Variants in DNAJC3 observed in about 807,000 individuals in gnomAD.
DNAJC3 encodes the protein dnaJ homolog subfamily C member 3.
In DNAJC3, 38 loss-of-function variants were observed where a neutral mutation model predicts 68.6. The observed-to-expected ratio is 0.55, with a 90% CI of 0.43 to 0.73. The LOEUF is 0.73. DNAJC3 is among the 30% of genes least tolerant of loss of function. The probability of loss-of-function intolerance (pLI) is 0.00; values close to 1 mark genes in which losing one functional copy is unlikely to be tolerated. For synonymous variants in DNAJC3, 203 were observed against 204.0 expected, an observed-to-expected ratio of 1.00 and a Z score of 0.04; for missense variants, 526 against 591.9, an observed-to-expected ratio of 0.89 and a Z score of 1.16.
At chr13:95,741,504 G>C (rs1294037369) in intron 4 of DNAJC3, among the ~76,000 whole-genome samples, 1 of 152,162 alleles carries the variant, frequency 6.6e-6, no homozygotes, top group South Asian at 2.1e-4. Context: ...GCGTATGCTG[G>C]CATTTATGTT....
intron 9 of DNAJC3, among the ~76,000 whole-genome samples, chr13:95,766,233 T>C (rs1253247841): frequency 6.6e-6 from 1 of 152,202 alleles, no homozygotes; most frequent in African/African-American, 2.4e-5. Flanking sequence ...TAGTGAATAA[T>C]GGAACATGGA....
Position 95,793,431 on chromosome 13 carries a change from T to C in DNAJC3, c.*2401T>C, listed in dbSNP as rs1486442535. 6.6e-6 allele frequency: 1 copy of C among 151,178 alleles called. No homozygotes were observed. The highest frequency in any genetic ancestry group is 2.4e-5 in the African/African-American group (1 of 41,010). 9.4% of individuals were successfully genotyped at this position (151,178 alleles called of 1,614,324 possible). On this transcript the variant is annotated 3_prime_UTR_variant, in exon 12 of 12. Coordinates refer to ENST00000602402, the MANE Select transcript of DNAJC3 (RefSeq NM_006260.5). ...CACTGTAGGGTAGCATTATCCACTG[T>C]AAAACCATACTACTTTCATTTTCCC...
chr13:95,752,239 C>T (rs962225124), intron 4 of DNAJC3, among the ~76,000 whole-genome samples: 6 of 152,016 alleles, frequency 3.9e-5, no homozygotes, highest in Admixed American at 2.6e-4. Flanking sequence ...CACCAAAGAG[C>T]TTTGTTTATC....
At position 95,728,190 on chromosome 13, in the gene DNAJC3, C is replaced by T. The variant is rs117493818; in HGVS notation, c.393+2938C>T. On this transcript the variant is annotated intron_variant, in intron 4 of 11. Coordinates refer to ENST00000602402, the MANE Select transcript of DNAJC3 (RefSeq NM_006260.5). ...ATTCTCGTACAGATGTTTGTGTGAA[C>T]GTGAATTTTTGTTATCCCTGGGATA... Among the ~76,000 whole-genome samples, 902 of 152,112 alleles carry T rather than the reference C, an allele frequency of 5.9e-3. 15 individuals are homozygous for T. The highest frequency in any genetic ancestry group is 0.043 in the East Asian group (225 of 5,178).
At chr13:95,691,447 T>C (rs1200305073) in intron 1 of DNAJC3, among the ~76,000 whole-genome samples, 4 of 145,586 alleles carry the variant, frequency 2.7e-5, no homozygotes, top group Admixed American at 6.8e-5. Flanking sequence ...TCCTCACATC[T>C]CAGACGATGG....
At chr13:95,699,388 T>A (rs532742560) in intron 1 of DNAJC3, among the ~76,000 whole-genome samples, 2 of 152,248 alleles carry the variant, frequency 1.3e-5, no homozygotes, top group African/African-American at 4.8e-5. Flanking sequence ...GGGGTAAGAG[T>A]ATGACATGGC....
At chr13:95,737,679 A>G (rs1483450760) in intron 4 of DNAJC3, among the ~76,000 whole-genome samples, 1 of 151,470 alleles carries the variant, frequency 6.6e-6, no homozygotes, top group African/African-American at 2.4e-5. Flanking sequence ...CCCCTTTATC[A>G]TTTTTTTATT....
intron 1 of DNAJC3, among the ~76,000 whole-genome samples, chr13:95,685,589 G>T (rs1880053169): frequency 6.6e-6 from 1 of 152,130 alleles, no homozygotes; most frequent in Admixed American, 6.5e-5. Context: ...TTTTGGAGGA[G>T]CTGGGGCGGA....
chr13:95,775,475 TATAA>T (rs945309324), intron 9 of DNAJC3, among the ~76,000 whole-genome samples: 1 of 152,204 alleles, frequency 6.6e-6, no homozygotes, highest in Non-Finnish European at 1.5e-5. Flanking sequence ...TTTAATGTAA[TATAA>T]ATAAGTTTTA....
chr13:95,716,903 G>A (rs1881169120), intron 2 of DNAJC3, among the ~76,000 whole-genome samples: 1 of 152,174 alleles, frequency 6.6e-6, no homozygotes, highest in South Asian at 2.1e-4. Flanking sequence ...AGGAGTGCCT[G>A]TTCTCACTTA....
intron 9 of DNAJC3, among the ~76,000 whole-genome samples, chr13:95,785,296 G>T (rs571964876): frequency 2.2e-3 from 341 of 152,148 alleles, no homozygotes; most frequent in Non-Finnish European, 4.1e-3. Context: ...CTTAATGGTG[G>T]TAAGATTGCT....
At chr13:95,726,839 A>G (rs1478136670) in intron 4 of DNAJC3, among the ~76,000 whole-genome samples, 1 of 152,238 alleles carries the variant, frequency 6.6e-6, no homozygotes. Context: ...GATAACCACT[A>G]TGAAAAGAAA....
chr13:95,725,474 C>T (rs958860990), intron 4 of DNAJC3, among the ~76,000 whole-genome samples: 2 of 152,008 alleles, frequency 1.3e-5, no homozygotes, highest in Non-Finnish European at 2.9e-5. Context: ...GAAGGTAAAG[C>T]GTACCCAATA....
chr13:95,732,667 A>G (rs1881750475), intron 4 of DNAJC3, among the ~76,000 whole-genome samples: 1 of 148,652 alleles, frequency 6.7e-6, no homozygotes, highest in Non-Finnish European at 1.5e-5. Context: ...TTTAGTCTCA[A>G]TTTCATTTAG....
intron 5 of DNAJC3, among the ~76,000 whole-genome samples, chr13:95,759,284 C>A (rs778380971): frequency 6.6e-6 from 1 of 151,988 alleles, no homozygotes; most frequent in African/African-American, 2.4e-5. Flanking sequence ...ACTTTTAAGG[C>A]GGTGACATTT....
At chr13:95,684,525 G>A (rs763393178) in intron 1 of DNAJC3, among the ~76,000 whole-genome samples, 2 of 152,224 alleles carry the variant, frequency 1.3e-5, no homozygotes, top group African/African-American at 2.4e-5. Flanking sequence ...GTCTGACCAT[G>A]TGGTAGAAAA....
intron 7 of DNAJC3, among the ~76,000 whole-genome samples, chr13:95,763,414 G>A (rs752571661): frequency 6.6e-6 from 1 of 152,142 alleles, no homozygotes; most frequent in Non-Finnish European, 1.5e-5. Context: ...GGTATGCTTT[G>A]TTCTGTCCAT....
At chr13:95,701,156 C>T (rs140509505) in intron 1 of DNAJC3, among the ~76,000 whole-genome samples, 225 of 152,274 alleles carry the variant, frequency 1.5e-3, no homozygotes, top group Non-Finnish European at 2.4e-3. Context: ...GAACTTTCCG[C>T]GATGATGGGA....
At chr13:95,721,525 C>T (rs1471618595) in intron 2 of DNAJC3, among the ~76,000 whole-genome samples, 1 of 152,184 alleles carries the variant, frequency 6.6e-6, no homozygotes, top group East Asian at 1.9e-4. Flanking sequence ...TTACATCCCA[C>T]CAACAGCGCA....
Sources: allele counts gnomAD v4.1 joint callset (sites outside exome capture counted in the v4.1 genomes callset), GRCh38; gene constraint gnomAD v4.1.1; transcripts MANE v1.5; gene names NCBI Gene and HGNC (gene_info 2026-07-23, HGNC 2026-07-21).